Variants in DMTF1 observed in about 807,000 individuals in gnomAD.
DMTF1 encodes cyclin D binding myb like transcription factor 1, also known as cyclin-D-binding Myb-like transcription factor 1.
In DMTF1, 39 loss-of-function variants were observed where a neutral mutation model predicts 91.1. The ratio of observed to expected loss-of-function variants is 0.43; its 90% CI spans 0.33 to 0.56. The LOEUF (loss-of-function observed/expected upper bound fraction) is 0.56, where lower values mean the gene tolerates loss of function less well. DMTF1 is among the 20% of genes least tolerant of loss of function. The probability of loss-of-function intolerance (pLI) is 0.05; values close to 1 mark genes in which losing one functional copy is unlikely to be tolerated. For missense variants in DMTF1, 750 were observed against 914.5 expected (o/e 0.82, Z 2.32); for synonymous variants, 338 against 309.5 (o/e 1.09, Z -0.97).
chr7:87,184,250 G>T (rs552692071), intron 10 of DMTF1, 147 bp from the exon 11 acceptor site: 38 of 662,986 alleles, frequency 5.7e-5, no homozygotes, highest in Middle Eastern at 6.6e-4. Context: ...TGTCTTAGTG[G>T]GTATATATGG....
Position 87,195,192 on chromosome 7 carries a change from C to A in DMTF1, c.*52C>A. On this transcript the variant is annotated 3_prime_UTR_variant, in exon 18 of 18. Coordinates refer to ENST00000331242, the MANE Select transcript of DMTF1 (RefSeq NM_001142327.2). ...AGCAAAGAAGGCACACTGTTAATTA[C>A]AACCTCTTCAAAGAAATAGGAGCAA... 7.7e-7 allele frequency: 1 copy of A among 1,294,150 alleles called. No homozygotes were observed. Among genetic ancestry groups the A allele is most frequent in the Non-Finnish European group, 1.1e-6 (1 of 899,964 alleles). The allele number at this position is 1,294,150 out of a possible 1,614,324, so 80.2% of individuals were successfully genotyped here.
At chr7:87,165,328 A>C (rs938759285) in intron 3 of DMTF1, among the ~76,000 whole-genome samples, 2 of 152,252 alleles carry the variant, frequency 1.3e-5, no homozygotes, top group African/African-American at 4.8e-5. Flanking sequence ...TTAATACATT[A>C]GAAAATGTAG....
At chr7:87,168,010 C>A (rs1352971792) in intron 4 of DMTF1, among the ~76,000 whole-genome samples, 1 of 152,204 alleles carries the variant, frequency 6.6e-6, no homozygotes, top group Non-Finnish European at 1.5e-5. Context: ...CCAAATCCTT[C>A]ATGGCGCTGT....
chr7:87,181,185 C>G (rs530583340), intron 8 of DMTF1, 124 bp from the exon 9 acceptor site: 2 of 547,114 alleles, frequency 3.7e-6, no homozygotes, highest in African/African-American at 3.9e-5. Flanking sequence ...AAATGGGTTA[C>G]TTTAAAAGTA....
chr7:87,180,856 C>CTTTTT (rs397889347), intron 8 of DMTF1, among the ~76,000 whole-genome samples: 78 of 127,660 alleles, frequency 6.1e-4, no homozygotes, highest in African/African-American at 9.7e-4. Flanking sequence ...TTATTTTCAA[C>CTTTTT]TTTTTTTTTT....
At chr7:87,178,516 A>G (rs1169646943) in intron 7 of DMTF1, among the ~76,000 whole-genome samples, 1 of 151,952 alleles carries the variant, frequency 6.6e-6, no homozygotes, top group East Asian at 1.9e-4. Flanking sequence ...TTTTTTCCAT[A>G]AATTTGCTGA....
intron 14 of DMTF1, among the ~76,000 whole-genome samples, chr7:87,192,009 C>T (rs1374394952): frequency 6.6e-6 from 1 of 152,058 alleles, no homozygotes; most frequent in Non-Finnish European, 1.5e-5. Flanking sequence ...AGTCAGTCTC[C>T]TAATCTAGTG....
chr7:87,161,202 A>T (rs1792283370), intron 1 of DMTF1, among the ~76,000 whole-genome samples: 1 of 152,158 alleles, frequency 6.6e-6, no homozygotes, highest in Non-Finnish European at 1.5e-5. Flanking sequence ...TCAAGAACAT[A>T]TTTAGGATGA....
At chr7:87,163,832 A>G (rs1793110502) in intron 2 of DMTF1, among the ~76,000 whole-genome samples, 1 of 152,180 alleles carries the variant, frequency 6.6e-6, no homozygotes, top group Admixed American at 6.5e-5. Context: ...GTGCCAAAGG[A>G]AAATACATTC....
intron 6 of DMTF1, among the ~76,000 whole-genome samples, chr7:87,174,151 G>A (rs1178250799): frequency 6.6e-6 from 1 of 152,116 alleles, no homozygotes; most frequent in African/African-American, 2.4e-5. Flanking sequence ...CCACTGTATA[G>A]TAAATACTCA....
chr7:87,176,066 C>T (rs548634928), intron 7 of DMTF1, among the ~76,000 whole-genome samples: 73 of 152,216 alleles, frequency 4.8e-4, no homozygotes, highest in African/African-American at 1.7e-3. Flanking sequence ...GGTGTTTAAC[C>T]ATTCTCCTAT....
intron 1 of DMTF1, among the ~76,000 whole-genome samples, chr7:87,160,640 T>TAC (rs1792082468): frequency 6.6e-6 from 1 of 152,186 alleles, no homozygotes; most frequent in African/African-American, 2.4e-5. Context: ...CTGCCTCTAC[T>TAC]ACTCCCACCA....
chr7:87,179,532 G>T lies in DMTF1; in HGVS notation c.520-13G>T. On this transcript the variant is annotated splice_polypyrimidine_tract_variant and intron_variant, in intron 7 of 17. Transcript: ENST00000331242. ...TCAGAAATCCCTAAATCAAAGAAAT[G>T]TAACCCATTTAGGCACGCGGAATAA... 2 of 1,496,984 alleles carry T rather than the reference G, an allele frequency of 1.3e-6. No homozygotes were observed. Among genetic ancestry groups the T allele is most frequent in the Non-Finnish European group, 1.8e-6 (2 of 1,131,136 alleles). The allele number at this position is 1,496,984 out of a possible 1,614,324, so 92.7% of individuals were successfully genotyped here.
chr7:87,186,529 A>G (rs147013379), intron 12 of DMTF1: 1 of 152,790 alleles, frequency 6.5e-6, no homozygotes, highest in Non-Finnish European at 1.5e-5. Context: ...GATTACCTGC[A>G]TGAGCCAGCA....
In DMTF1 at chr7:87,159,660, A is replaced by G. The variant is rs192545779; in HGVS notation, c.-131-3835A>G. Among the ~76,000 whole-genome samples the G allele has an allele frequency of 1.4e-4, 21 of 152,330 alleles. No homozygotes were observed. In the East Asian group the frequency reaches 3.5e-3, roughly 25 times the overall value. On this transcript the variant is annotated intron_variant, in intron 1 of 17. Coordinates refer to ENST00000331242, the MANE Select transcript of DMTF1 (RefSeq NM_001142327.2). ...TTAGTGTAAAAATAGTACATATGGT[A>G]TAACCCATTACAAAGAAGGAAAATT...
At chr7:87,161,544 T>C (rs369147088) in intron 1 of DMTF1, among the ~76,000 whole-genome samples, 2 of 152,122 alleles carry the variant, frequency 1.3e-5, no homozygotes, top group African/African-American at 4.8e-5. Flanking sequence ...AAAAGGTGAC[T>C]GTATCCCCAG....
intron 1 of DMTF1, chr7:87,163,134 G>T (rs1365056238): frequency 6.6e-6 from 1 of 151,702 alleles, no homozygotes; most frequent in Admixed American, 6.6e-5. Context: ...TAATATTTAT[G>T]GTGCTGTATT....
At chr7:87,166,332 T>G (rs1793818703) in intron 3 of DMTF1, 151 bp from the exon 4 acceptor site, 2 of 713,404 alleles carry the variant, frequency 2.8e-6, no homozygotes, top group Non-Finnish European at 4.5e-6. Flanking sequence ...GCAGTGTCCT[T>G]TTGAATCCTG....
At chr7:87,175,696 G>A (rs1416171427) in intron 7 of DMTF1, among the ~76,000 whole-genome samples, 3 of 152,158 alleles carry the variant, frequency 2.0e-5, no homozygotes, top group Non-Finnish European at 4.4e-5. Context: ...TAGAACTTGG[G>A]CTAGAGTAGA....
Sources: allele counts gnomAD v4.1 joint callset (sites outside exome capture counted in the v4.1 genomes callset), GRCh38; gene constraint gnomAD v4.1.1; transcripts MANE v1.5; gene names NCBI Gene and HGNC (gene_info 2026-07-23, HGNC 2026-07-21).